The following BTBD7 variants were observed in gnomAD, a reference collection of about 807,000 sequenced individuals.
BTBD7 encodes BTB domain containing 7.
BTBD7 carries 38 observed loss-of-function variants against 99.9 expected under a neutral mutation model. The observed-to-expected ratio is 0.38, with a 90% confidence interval of 0.29 to 0.50. The LOEUF (loss-of-function observed/expected upper bound fraction) is 0.50, where lower values mean the gene tolerates loss of function less well. Ranked by LOEUF, BTBD7 falls within the 20% of genes least tolerant of loss-of-function variation. The probability of loss-of-function intolerance (pLI) is 0.93; values close to 1 mark genes in which losing one functional copy is unlikely to be tolerated. For missense variants in BTBD7, 1,170 were observed against 1,394.6 expected (o/e 0.84, Z 2.57); for synonymous variants, 520 against 511.4 (o/e 1.02, Z -0.23).
At position 93,332,887 on chromosome 14, in the gene BTBD7, ACCAGCACCGCCGTCCGCACCGGCG is replaced by A. The variant is rs1405507693; in HGVS notation, c.-198_-175del. On this transcript the variant is annotated 5_prime_UTR_variant, in exon 1 of 11. Transcript: ENST00000334746. ...TGCCGTCGCCTCCGCCGCCGCCGCC[ACCAGCACCGCCGTCCGCACCGGCG>A]CCAGCACCCCCGGCCATCCTCCTCC... 10 of 1,439,896 alleles carry A rather than the reference ACCAGCACCGCCGTCCGCACCGGCG, an allele frequency of 6.9e-6. No individual in the cohort carries two copies. The highest frequency in any genetic ancestry group is 1.5e-5 in the African/African-American group (1 of 66,836). The allele number at this position is 1,439,896 out of a possible 1,614,324, so 89.2% of individuals were successfully genotyped here.
rs746530129 is a variant in BTBD7, at chr14:93,257,314, T to C, written c.1489A>G (p.Arg497Gly). The C allele has an allele frequency of 1.3e-5, 21 of 1,613,914 alleles. No homozygotes were observed. The South Asian group carries it at 2.3e-4, about 18-fold the overall frequency. Residue 497 changes from arginine (R) to glycine (G), a missense_variant, in exon 6 of 11, where the codon AGA (arginine) becomes GGA (glycine). By Grantham distance (125) the Arg-to-Gly change is moderately radical (BLOSUM62 -2). Transcript: ENST00000334746. ...LSGTAHSVNK[R>G]GVKRRDLDME... Reference sequence around the variant, plus strand: ...TCCAGGTCCCGTCTTTTTACACCTCTTTTGTTCACACTATGGGCAGTGCCA... The same window carrying C: ...TCCAGGTCCCGTCTTTTTACACCTCCTTTGTTCACACTATGGGCAGTGCCA...
At chr14:93,313,643 A>G (rs1463009351) in intron 1 of BTBD7, among the ~76,000 whole-genome samples, 2 of 151,594 alleles carry the variant, frequency 1.3e-5, no homozygotes, top group Non-Finnish European at 2.9e-5. Context: ...GTGAAGAGGA[A>G]AGTATCTGAA....
chr14:93,269,931 G>GA lies in BTBD7; in HGVS notation c.1163-5939dup, dbSNP rs2052583603. ...CCCTGCTGATCCACAGTGGCAATGA[G>GA]AGAGGCCCCAGCTGCTGCAAACTGA... On this transcript the variant is annotated intron_variant, in intron 3 of 10. Transcript: ENST00000334746. Among the ~76,000 whole-genome samples, 3 of 152,226 alleles carry GA rather than the reference G, an allele frequency of 2.0e-5. No individual in the cohort carries two copies. In the South Asian group the frequency reaches 6.2e-4, roughly 32 times the overall value.
At chr14:93,320,176 G>C (rs888967164) in intron 1 of BTBD7, among the ~76,000 whole-genome samples, 4 of 152,132 alleles carry the variant, frequency 2.6e-5, no homozygotes, top group Non-Finnish European at 5.9e-5. Context: ...AGTGTGAGAG[G>C]GAGGGGAAGA....
intron 1 of BTBD7, among the ~76,000 whole-genome samples, chr14:93,305,252 T>C (rs571683667): frequency 6.6e-5 from 10 of 152,354 alleles, no homozygotes; most frequent in Admixed American, 6.5e-4. Context: ...CACTCCATTC[T>C]GATGAGCTCC....
intron 3 of BTBD7, among the ~76,000 whole-genome samples, chr14:93,269,506 G>A (rs952694819): frequency 4.6e-5 from 7 of 152,166 alleles, no homozygotes; most frequent in African/African-American, 1.2e-4. Context: ...TGACACATGC[G>A]TAGATCAGAA....
At chr14:93,323,338 T>C (rs928603067) in intron 1 of BTBD7, among the ~76,000 whole-genome samples, 2 of 152,226 alleles carry the variant, frequency 1.3e-5, no homozygotes, top group Non-Finnish European at 2.9e-5. Flanking sequence ...AGTTAGTAAA[T>C]TGTAACTCTT....
rs144632374 is a variant in BTBD7, at chr14:93,247,432, C to T, written c.2121+1044G>A. Among the ~76,000 whole-genome samples, 468 of 152,272 alleles carry T rather than the reference C, an allele frequency of 3.1e-3. 3 individuals carry two copies. The highest frequency in any genetic ancestry group is 0.011 in the African/African-American group (441 of 41,552). On this transcript the variant is annotated intron_variant, in intron 9 of 10. Transcript: ENST00000334746. ...GTGCAATCTTGGCTCACAGCAAACT[C>T]GGCCTCCCAGGTTCAAGCGATTCTC...
At chr14:93,273,191 G>C (rs542584857) in intron 3 of BTBD7, among the ~76,000 whole-genome samples, 1 of 152,180 alleles carries the variant, frequency 6.6e-6, no homozygotes, top group Admixed American at 6.5e-5. Flanking sequence ...AACACCAGGA[G>C]CAGATTAAAA....
chr14:93,295,776 G>T (rs544120896), intron 2 of BTBD7, among the ~76,000 whole-genome samples, 194 bp downstream of exon 2: 8 of 152,246 alleles, frequency 5.3e-5, no homozygotes, highest in East Asian at 3.9e-4. Context: ...AAGCTCAATT[G>T]TGCTACAAGT....
At chr14:93,311,745 AT>A (rs5810628) in intron 1 of BTBD7, among the ~76,000 whole-genome samples, 323 of 142,470 alleles carry the variant, frequency 2.3e-3, no homozygotes, top group Middle Eastern at 7.3e-3. Context: ...AATATTTTTA[AT>A]TTTTTTTTTT....
intron 1 of BTBD7, among the ~76,000 whole-genome samples, chr14:93,317,932 T>C (rs1240387901): frequency 2.6e-5 from 4 of 152,202 alleles, no homozygotes; most frequent in Non-Finnish European, 5.9e-5. Flanking sequence ...AAGACAACAT[T>C]TCACAAGGAT....
chr14:93,244,533 C>T (rs1217674215), intron 10 of BTBD7, among the ~76,000 whole-genome samples: 1 of 152,138 alleles, frequency 6.6e-6, no homozygotes, highest in African/African-American at 2.4e-5. Flanking sequence ...CCTGTAATCC[C>T]AGCTACTCAG....
intron 3 of BTBD7, among the ~76,000 whole-genome samples, chr14:93,287,268 T>C (rs1266649300): frequency 6.6e-6 from 1 of 150,408 alleles, no homozygotes; most frequent in Non-Finnish European, 1.5e-5. Flanking sequence ...AAGTAGTATA[T>C]GCTCATCATT....
intron 1 of BTBD7, among the ~76,000 whole-genome samples, chr14:93,317,545 G>GA (rs1294859572): frequency 2.0e-5 from 3 of 151,906 alleles, no homozygotes; most frequent in Non-Finnish European, 4.4e-5. Context: ...CAACGGTGGA[G>GA]AAAAAAAGAA....
At chr14:93,257,727 T>A (rs1037533425) in intron 5 of BTBD7, among the ~76,000 whole-genome samples, 1 of 152,274 alleles carries the variant, frequency 6.6e-6, no homozygotes, top group African/African-American at 2.4e-5. Flanking sequence ...AAGGTCATTG[T>A]AGAGCATATG....
intron 3 of BTBD7, among the ~76,000 whole-genome samples, chr14:93,271,018 G>C (rs1236047768): frequency 6.6e-6 from 1 of 152,184 alleles, no homozygotes; most frequent in Non-Finnish European, 1.5e-5. Context: ...CAGTAGGAAT[G>C]AATGACCAAG....
chr14:93,261,528 C>T (rs961209878), intron 5 of BTBD7, 74 bp downstream of exon 5: 13 of 1,117,634 alleles, frequency 1.2e-5, no homozygotes, highest in African/African-American at 9.3e-5. Flanking sequence ...GACTGATGTG[C>T]GGCATGCATT....
At chr14:93,247,442 G>A (rs2052325748) in intron 9 of BTBD7, among the ~76,000 whole-genome samples, 1 of 152,180 alleles carries the variant, frequency 6.6e-6, no homozygotes, top group Non-Finnish European at 1.5e-5. Flanking sequence ...CGGCCTCCCA[G>A]GTTCAAGCGA....
Sources: gnomAD v4.1 joint callset for allele counts (sites outside exome capture counted in the v4.1 genomes callset) on GRCh38, gnomAD v4.1.1 for gene constraint, MANE v1.5 for transcripts, NCBI Gene and HGNC (gene_info 2026-07-23, HGNC 2026-07-21) for gene names.